The following SNCAIP variants were observed in gnomAD, a reference collection of about 807,000 sequenced individuals.
The protein encoded by SNCAIP is synuclein alpha interacting protein, also known as synphilin-1.
Under a neutral mutation model 86.7 loss-of-function variants are expected in SNCAIP, and 43 were observed. The observed-to-expected ratio is 0.50, with a 90% CI of 0.39 to 0.64. The LOEUF (loss-of-function observed/expected upper bound fraction) is 0.64, where lower values mean the gene tolerates loss of function less well. SNCAIP is among the 30% of genes least tolerant of loss of function. The pLI is 0.00. For missense variants in SNCAIP, 981 were observed against 1,103.1 expected (o/e 0.89, Z 1.57); for synonymous variants, 417 against 427.2 (o/e 0.98, Z 0.29).
intron 1 of SNCAIP, among the ~76,000 whole-genome samples, chr5:122,376,309 A>T (rs1765306504): frequency 6.6e-6 from 1 of 152,092 alleles, no homozygotes. Flanking sequence ...TGTGTTCCAA[A>T]CACATCCACT....
chr5:122,463,048 A>T (rs1377637832), intron 10 of SNCAIP, among the ~76,000 whole-genome samples: 1 of 152,218 alleles, frequency 6.6e-6, no homozygotes, highest in Non-Finnish European at 1.5e-5. Context: ...CTCAGTAATC[A>T]CACACCAAAA....
intron 1 of SNCAIP, among the ~76,000 whole-genome samples, chr5:122,371,129 C>T (rs1290031089): frequency 6.6e-6 from 1 of 151,896 alleles, no homozygotes; most frequent in Non-Finnish European, 1.5e-5. Context: ...GCCGGGGCAA[C>T]ATAGTGAGAC....
chr5:122,458,785 GA>G (rs1442174093), intron 10 of SNCAIP, among the ~76,000 whole-genome samples: 3 of 152,178 alleles, frequency 2.0e-5, no homozygotes, highest in Admixed American at 6.5e-5. Context: ...TCATAATCAA[GA>G]GAGAATGAAA....
At chr5:122,394,345 A>G (rs1234503040) in intron 2 of SNCAIP, among the ~76,000 whole-genome samples, 1 of 152,218 alleles carries the variant, frequency 6.6e-6, no homozygotes, top group Non-Finnish European at 1.5e-5. Flanking sequence ...GTATATTGGT[A>G]GAAAAAACAA....
chr5:122,437,407 A>G (rs541871476), intron 6 of SNCAIP: 1 of 152,262 alleles, frequency 6.6e-6, no homozygotes, highest in South Asian at 2.1e-4. Flanking sequence ...CCCCCTCAAA[A>G]ACCCTAAATG....
chr5:122,357,518 G>A (rs868633120), intron 1 of SNCAIP, among the ~76,000 whole-genome samples: 1 of 152,042 alleles, frequency 6.6e-6, no homozygotes, highest in African/African-American at 2.4e-5. Flanking sequence ...ACAGGCATGA[G>A]CCACCGTGCT....
chr5:122,324,140 C>G (rs10060785), intron 1 of SNCAIP, among the ~76,000 whole-genome samples: 41,352 of 151,980 alleles, frequency 0.27, 6,661 homozygotes, highest in African/African-American at 0.46. Flanking sequence ...GCAGGCCCTT[C>G]CACAAAGGGA....
intron 10 of SNCAIP, among the ~76,000 whole-genome samples, chr5:122,457,123 T>A (rs1672092588): frequency 6.6e-6 from 1 of 152,152 alleles, no homozygotes; most frequent in Non-Finnish European, 1.5e-5. Context: ...TGCCTCAGCC[T>A]CCTGAGTAGC....
intron 10 of SNCAIP, among the ~76,000 whole-genome samples, 170 bp from the exon 11 acceptor site, chr5:122,463,321 A>T (rs541747697): frequency 1.8e-4 from 28 of 152,342 alleles, no homozygotes; most frequent in African/African-American, 6.7e-4. Flanking sequence ...TTCATTGTTT[A>T]AAGAGTAGTT....
At position 122,319,549 on chromosome 5, in the gene SNCAIP, GCAT is replaced by G. The variant is rs1441988368; in HGVS notation, c.-47+7269_-47+7271del. On this transcript the variant is annotated intron_variant, in intron 1 of 10. Transcript: ENST00000261368. ...TGTTTTCAGTCTGAGAGTCTTAAGA[GCAT>G]CATATGAAAGCTATGGATTCTTTCC... 7.2e-5 allele frequency among the ~76,000 whole-genome samples: 11 copies of G among 152,294 alleles called. No homozygotes were observed. In the South Asian group the frequency reaches 8.3e-4, roughly 11 times the overall value.
intron 1 of SNCAIP, among the ~76,000 whole-genome samples, chr5:122,363,742 A>T (rs1762632515): frequency 6.6e-6 from 1 of 151,768 alleles, no homozygotes; most frequent in Non-Finnish European, 1.5e-5. Flanking sequence ...AATTTTTTAA[A>T]CACACTACAT....
chr5:122,363,197 T>C (rs562033651), intron 1 of SNCAIP, among the ~76,000 whole-genome samples: 2 of 152,174 alleles, frequency 1.3e-5, no homozygotes, highest in Admixed American at 1.3e-4. Context: ...GATTTCTCCA[T>C]GTTGGTCAGG....
At chr5:122,421,153 T>G (rs141262206) in intron 3 of SNCAIP, among the ~76,000 whole-genome samples, 2 of 152,348 alleles carry the variant, frequency 1.3e-5, no homozygotes, top group East Asian at 3.9e-4. Context: ...TTCTGGAACA[T>G]TCTCTTCTAC....
chr5:122,325,332 T>G (rs1753801351), intron 1 of SNCAIP, among the ~76,000 whole-genome samples: 1 of 152,064 alleles, frequency 6.6e-6, no homozygotes, highest in Non-Finnish European at 1.5e-5. Flanking sequence ...GGGAGAGGTT[T>G]GGGTATTTTA....
chr5:122,456,255 C>A (rs1784726607), intron 10 of SNCAIP, among the ~76,000 whole-genome samples: 1 of 152,140 alleles, frequency 6.6e-6, no homozygotes, highest in African/African-American at 2.4e-5. Flanking sequence ...AGGTATTAGC[C>A]ACACTGGGAA....
At position 122,403,830 on chromosome 5, in the gene SNCAIP, G is replaced by A. The variant is rs372155721; in HGVS notation, c.95G>A (p.Cys32Tyr). The A allele has an allele frequency of 6.2e-7, 1 of 1,613,752 alleles. No homozygotes were observed. The highest frequency in any genetic ancestry group is 8.5e-7 in the Non-Finnish European group (1 of 1,179,838). ...TCACTCAAGACGATCCCAGAACTGTGCCGAAGATGTGATACGCAAAACGAA... is the reference window on the plus strand; with the variant it reads ...TCACTCAAGACGATCCCAGAACTGTACCGAAGATGTGATACGCAAAACGAA... The part of the protein sequence containing the change: ...VTSLKTIPEL[C>Y]RRCDTQNEDR... The change falls in exon 3 of 11, where the codon TGC becomes TAC. Residue 32 changes from cysteine (C) to tyrosine (Y), a missense_variant. Coordinates refer to ENST00000261368, the MANE Select transcript of SNCAIP (RefSeq NM_005460.4).
At chr5:122,328,892 A>G (rs73281406) in intron 1 of SNCAIP, among the ~76,000 whole-genome samples, 2,011 of 152,198 alleles carry the variant, frequency 0.013, 37 homozygotes, top group African/African-American at 0.045. Flanking sequence ...AAAATTTCCA[A>G]AGTTTGTTAG....
intron 6 of SNCAIP, among the ~76,000 whole-genome samples, chr5:122,433,809 A>G (rs1037642117): frequency 2.0e-5 from 3 of 152,200 alleles, no homozygotes; most frequent in Non-Finnish European, 4.4e-5. Context: ...TGGACTTCAC[A>G]GTGGTGTGAA....
At chr5:122,447,107 G>A (rs980489846) in intron 8 of SNCAIP, among the ~76,000 whole-genome samples, 7 of 152,140 alleles carry the variant, frequency 4.6e-5, no homozygotes, top group African/African-American at 1.2e-4. Context: ...GAGAATACCC[G>A]TAAACATGAA....
Sources: gnomAD v4.1 joint callset for allele counts (sites outside exome capture counted in the v4.1 genomes callset) on GRCh38, gnomAD v4.1.1 for gene constraint, MANE v1.5 for transcripts, NCBI Gene and HGNC (gene_info 2026-07-23, HGNC 2026-07-21) for gene names.